Variants in CLNK observed in about 807,000 individuals in gnomAD.
CLNK encodes the protein cytokine-dependent hematopoietic cell linker.
CLNK carries 74 observed loss-of-function variants against 68.6 expected under a neutral mutation model. The observed-to-expected ratio is 1.08, with a 90% CI of 0.89 to 1.31. The LOEUF is 1.31. Ranked by LOEUF, CLNK falls within the 50% of genes most tolerant of loss-of-function variation. The probability of loss-of-function intolerance (pLI) is 0.00; values close to 1 mark genes in which losing one functional copy is unlikely to be tolerated. For missense variants in CLNK, 553 were observed against 515.3 expected (o/e 1.07, Z -0.71); for synonymous variants, 198 against 172.2 (o/e 1.15, Z -1.17).
chr4:10,667,401 G>C (rs1724441719), intron 2 of CLNK, among the ~76,000 whole-genome samples: 1 of 118,260 alleles, frequency 8.5e-6, no homozygotes, highest in South Asian at 2.8e-4. Context: ...CTATACTATA[G>C]ACATCAGGGA....
At position 10,489,425 on chromosome 4, in the gene CLNK, C is replaced by CT. The variant is rs1404757500; in HGVS notation, c.*1041dup. 6.6e-6 allele frequency: 1 copy of CT among 152,056 alleles called. No individual in the cohort carries two copies. The highest frequency in any genetic ancestry group is 1.5e-5 in the Non-Finnish European group (1 of 68,014). The allele number at this position is 152,056 out of a possible 1,614,324, so 9.4% of individuals were successfully genotyped here. A position where few individuals can be genotyped will look rare whatever the true frequency, so the allele number is the denominator to read the frequency against. Reference sequence around the variant, plus strand: ...CCTCAGACATATGCTTGCCTGAAGGCTAGTGTAGGATATAATCTGAGCTCT... The same window carrying CT: ...CCTCAGACATATGCTTGCCTGAAGGCTTAGTGTAGGATATAATCTGAGCTCT... On this transcript the variant is annotated 3_prime_UTR_variant, in exon 19 of 19. Transcript: ENST00000226951.
chr4:10,626,613 G>T (rs539651581), intron 2 of CLNK, among the ~76,000 whole-genome samples: 3 of 152,042 alleles, frequency 2.0e-5, no homozygotes, highest in Admixed American at 1.3e-4. Flanking sequence ...TAATACAAAC[G>T]ATATATTCTG....
intron 2 of CLNK, among the ~76,000 whole-genome samples, chr4:10,607,139 G>T (rs1244690447): frequency 3.9e-5 from 6 of 152,214 alleles, no homozygotes; most frequent in African/African-American, 1.4e-4. Context: ...AGGCAACACT[G>T]GGTGTCTGAG....
chr4:10,534,978 A>G (rs1172175519), intron 11 of CLNK, among the ~76,000 whole-genome samples: 1 of 152,186 alleles, frequency 6.6e-6, no homozygotes, highest in African/African-American at 2.4e-5. Context: ...TTTTGTTTTC[A>G]CTTCCCAAAT....
intron 2 of CLNK, among the ~76,000 whole-genome samples, chr4:10,615,676 T>C (rs1722203485): frequency 6.6e-6 from 1 of 152,232 alleles, no homozygotes. Context: ...TCTGAGTAAG[T>C]ATGCTGTCTT....
intron 8 of CLNK, among the ~76,000 whole-genome samples, chr4:10,553,047 G>A (rs552287714): frequency 3.9e-5 from 5 of 129,464 alleles, no homozygotes; most frequent in African/African-American, 1.6e-4. Flanking sequence ...CTGGCAGGAA[G>A]AGGAGGGGGG....
chr4:10,732,814 G>C, the CLNK span, among the ~76,000 whole-genome samples: 1 of 151,900 alleles, frequency 6.6e-6, no homozygotes, highest in Non-Finnish European at 1.5e-5. Flanking sequence ...CTCCTCATGG[G>C]TTCCTATTTT....
chr4:10,725,771 C>T, the CLNK span, among the ~76,000 whole-genome samples: 4 of 151,658 alleles, frequency 2.6e-5, no homozygotes, highest in Admixed American at 6.6e-5. Flanking sequence ...AGGAGAATGG[C>T]GTGAACCCGG....
chr4:10,623,092 A>T (rs1472557602), intron 2 of CLNK, among the ~76,000 whole-genome samples: 2 of 152,196 alleles, frequency 1.3e-5, no homozygotes. Context: ...CATAGCAGTA[A>T]ATTATACCTT....
intron 8 of CLNK, among the ~76,000 whole-genome samples, chr4:10,549,402 A>G: frequency 6.6e-6 from 1 of 152,358 alleles, no homozygotes; most frequent in South Asian, 2.1e-4. Context: ...GCAATAATAA[A>G]TCAAGTATTT....
At chr4:10,647,162 A>G (rs1723544494) in intron 2 of CLNK, among the ~76,000 whole-genome samples, 1 of 152,210 alleles carries the variant, frequency 6.6e-6, no homozygotes, top group African/African-American at 2.4e-5. Context: ...TACAGAAATC[A>G]TAGCTCATCA....
chr4:10,645,990 C>G (rs1317212499), intron 2 of CLNK, among the ~76,000 whole-genome samples: 1 of 152,030 alleles, frequency 6.6e-6, no homozygotes, highest in East Asian at 1.9e-4. Flanking sequence ...AACATATGAA[C>G]AGTAAAATCC....
intron 8 of CLNK, among the ~76,000 whole-genome samples, chr4:10,544,888 C>T (rs999073637): frequency 6.6e-6 from 1 of 152,140 alleles, no homozygotes; most frequent in Non-Finnish European, 1.5e-5. Context: ...AATGTGCTAG[C>T]TCAGGTCCCT....
chr4:10,573,839 A>G (rs887113), intron 4 of CLNK, among the ~76,000 whole-genome samples: 147,171 of 152,140 alleles, frequency 0.97, 71,374 homozygotes, highest in East Asian at 1. Flanking sequence ...GTCTGTGGGT[A>G]CAGACCCTGC....
intron 18 of CLNK, among the ~76,000 whole-genome samples, chr4:10,493,265 C>A (rs144949829): frequency 6.6e-6 from 1 of 152,328 alleles, no homozygotes; most frequent in African/African-American, 2.4e-5. Flanking sequence ...TTGCAGTGAG[C>A]TGTGATGGCG....
Position 10,486,572 on chromosome 4 carries a change from C to CACACA in CLNK, c.*3894_*3895insTGTGT, listed in dbSNP as rs1716364976. 2 of 152,040 alleles carry CACACA rather than the reference C, an allele frequency of 1.3e-5. No homozygotes were observed. The highest frequency in any genetic ancestry group is 1.3e-4 in the Admixed American group (2 of 15,262). The allele number at this position is 152,040 out of a possible 1,614,324, so 9.4% of individuals were successfully genotyped here. A position where few individuals can be genotyped will look rare whatever the true frequency, so the allele number is the denominator to read the frequency against. The stretch of plus-strand genomic sequence containing the variant: ...TTTGTGTACACACATACATAATTGG[C>CACACA]TACATTCGACAATGGGGTTCATTTG... On this transcript the variant is annotated 3_prime_UTR_variant, in exon 19 of 19. Coordinates refer to ENST00000226951, the MANE Select transcript of CLNK (RefSeq NM_052964.4).
intron 15 of CLNK, among the ~76,000 whole-genome samples, chr4:10,515,157 G>T (rs1240091208): frequency 6.6e-6 from 1 of 152,130 alleles, no homozygotes; most frequent in Non-Finnish European, 1.5e-5. Context: ...AGAATCGCTT[G>T]AGCCTGGGAA....
intron 18 of CLNK, among the ~76,000 whole-genome samples, chr4:10,496,304 G>T (rs1450138706): frequency 1.3e-5 from 2 of 152,186 alleles, no homozygotes; most frequent in Non-Finnish European, 2.9e-5. Context: ...ATTGAACCGT[G>T]GCTAAAGTAG....
Position 10,513,586 on chromosome 4 carries a change from C to T in CLNK, c.784G>A (p.Gly262Ser). ...CTCTGAGGAGAACAGGGCTGCATGCCTCCTCTATGATCTGGAAAGGTTAAA... is the reference window on the plus strand; with the variant it reads ...CTCTGAGGAGAACAGGGCTGCATGCTTCCTCTATGATCTGGAAAGGTTAAA... ...HSVQNRDHRG[G>S]MQPCSPQRCQ... Residue 262 changes from glycine to serine, a missense_variant, in exon 16 of 19, where the codon GGC becomes AGC. Coordinates refer to ENST00000226951, the MANE Select transcript of CLNK (RefSeq NM_052964.4). 2 of 1,600,572 alleles carry T rather than the reference C, an allele frequency of 1.2e-6. No individual in the cohort carries two copies. The highest frequency in any genetic ancestry group is 1.7e-5 in the Admixed American group (1 of 57,888).
Sources: allele counts gnomAD v4.1 joint callset (sites outside exome capture counted in the v4.1 genomes callset), GRCh38; gene constraint gnomAD v4.1.1; transcripts MANE v1.5; gene names NCBI Gene and HGNC (gene_info 2026-07-23, HGNC 2026-07-21).